The following SRSF3 variants were observed in gnomAD, a reference collection of about 807,000 sequenced individuals.
SRSF3 encodes serine/arginine-rich splicing factor 3.
For missense variants in SRSF3, 58 were observed against 217.1 expected, an observed-to-expected ratio of 0.27 and a Z score of 4.61; for synonymous variants, 87 against 73.6, an observed-to-expected ratio of 1.18 and a Z score of -0.93.
At chr6:36,597,746 AT>A (rs1413580833) in intron 2 of SRSF3, among the ~76,000 whole-genome samples, 2 of 151,868 alleles carry the variant, frequency 1.3e-5, no homozygotes, top group Non-Finnish European at 2.9e-5. Flanking sequence ...CACTCTTCAA[AT>A]ATGATAGCTT....
intron 3 of SRSF3, chr6:36,600,068 C>T: frequency 8.2e-7 from 1 of 1,217,254 alleles, no homozygotes; most frequent in Non-Finnish European, 1.1e-6. Flanking sequence ...CCTGGCCAAT[C>T]AGCTCAGCTG....
chr6:36,600,992 C>CTT (rs1169887735), intron 3 of SRSF3, 160 bp from the exon 4 acceptor site: 29 of 340,294 alleles, frequency 8.5e-5, no homozygotes, highest in South Asian at 4.8e-4. Context: ...TTTTTCTTTT[C>CTT]TTTTTTTTCT....
chr6:36,599,637 A>G, intron 3 of SRSF3: 1 of 404,938 alleles, frequency 2.5e-6, no homozygotes, highest in Non-Finnish European at 4.7e-6. Flanking sequence ...AGGTGAGTGG[A>G]GTCCTTCTAG....
In SRSF3 at chr6:36,597,854, A is replaced by G. The variant is rs568727181; in HGVS notation, c.206+886A>G. ...AGCTATAATTTCTTTTTTTAAAAAAATGTATATTTATTATTTAAAAAATAA... is the reference window on the plus strand; with the variant it reads ...AGCTATAATTTCTTTTTTTAAAAAAGTGTATATTTATTATTTAAAAAATAA... On this transcript the variant is annotated intron_variant, in intron 2 of 5. Transcript: ENST00000373715. Among the ~76,000 whole-genome samples, 178 of 150,658 alleles carry G rather than the reference A, an allele frequency of 1.2e-3. 1 individual carries two copies. The highest frequency in any genetic ancestry group is 4.2e-3 in the African/African-American group (172 of 41,036).
rs2127507133 is a variant in SRSF3, at chr6:36,603,045, A to G, written c.*1056A>G. ...GGATTAGTCTTCTGAAGTGAAGGAA[A>G]TATAGATGTCACCTAAGTGATAGTT... On this transcript the variant is annotated 3_prime_UTR_variant, in exon 6 of 6. Coordinates refer to ENST00000373715, the MANE Select transcript of SRSF3 (RefSeq NM_003017.5). The G allele has an allele frequency of 4.5e-6, 1 of 222,296 alleles. No individual in the cohort carries two copies. Among genetic ancestry groups the G allele is most frequent in the African/African-American group, 2.2e-5 (1 of 44,852 alleles). The allele number at this position is 222,296 out of a possible 1,614,324, so 13.8% of individuals were successfully genotyped here.
Position 36,603,661 on chromosome 6 carries a change from T to C in SRSF3, c.*1672T>C, listed in dbSNP as rs774610403. The C allele has an allele frequency of 4.3e-6, 1 of 230,286 alleles. No homozygotes were observed. Among genetic ancestry groups the C allele is most frequent in the Non-Finnish European group, 8.6e-6 (1 of 116,378 alleles). The allele number at this position is 230,286 out of a possible 1,614,324, so 14.3% of individuals were successfully genotyped here. On this transcript the variant is annotated 3_prime_UTR_variant, in exon 6 of 6. Coordinates refer to ENST00000373715, the MANE Select transcript of SRSF3 (RefSeq NM_003017.5). ...TTAAGCATGTTCAAGAAAGACACTT[T>C]TCAGACAGCCTGTTTATTTACTGAG...
Position 36,602,608 on chromosome 6 carries a change from G to A in SRSF3, c.*619G>A. 4.6e-6 allele frequency: 1 copy of A among 216,942 alleles called. No individual in the cohort carries two copies. Among genetic ancestry groups the A allele is most frequent in the Non-Finnish European group, 9.3e-6 (1 of 107,742 alleles). The allele number at this position is 216,942 out of a possible 1,614,324, so 13.4% of individuals were successfully genotyped here. ...GATTGCTGTATATGGATACATGGCT[G>A]TTCGTGACATTCTTTATGTGCAAAT... On this transcript the variant is annotated 3_prime_UTR_variant, in exon 6 of 6. Transcript: ENST00000373715.
At chr6:36,598,752 G>A in intron 2 of SRSF3, 97 bp from the exon 3 acceptor site, 2 of 1,372,232 alleles carry the variant, frequency 1.5e-6, no homozygotes, top group African/African-American at 2.9e-5. Context: ...ACACTTAGGT[G>A]TGTTCTTTGC....
At position 36,597,346 on chromosome 6, in the gene SRSF3, T is replaced by C. The variant is rs1466884782; in HGVS notation, c.206+378T>C. On this transcript the variant is annotated intron_variant, in intron 2 of 5. Transcript: ENST00000373715. ...GTCTCGAACTCCTGACCCCAGGTGA[T>C]CTGACCGCCTTGACCTCCCAAAGTG... Among the ~76,000 whole-genome samples the C allele has an allele frequency of 3.3e-5, 5 of 152,118 alleles. No homozygotes were observed. The East Asian group carries it at 9.6e-4, about 29-fold the overall frequency.
At chr6:36,598,822 T>C in intron 2 of SRSF3, 27 bp from the exon 3 acceptor site, 2 of 1,607,508 alleles carry the variant, frequency 1.2e-6, no homozygotes, top group East Asian at 2.2e-5. Context: ...TCAGGCTGTT[T>C]TAAGTTTAAT....
chr6:36,601,550 TC>T, intron 4 of SRSF3, 157 bp from the exon 5 acceptor site: 1 of 683,736 alleles, frequency 1.5e-6, no homozygotes, highest in South Asian at 2.0e-5. Context: ...CACTTTGTTG[TC>T]CAATCTGTTC....
chr6:36,599,298 C>A (rs772604294), intron 3 of SRSF3: 21 of 272,838 alleles, frequency 7.7e-5, no homozygotes, highest in African/African-American at 1.3e-4. Context: ...TCCATAATGA[C>A]AAACATTACA....
chr6:36,603,841 T>G lies in SRSF3; in HGVS notation c.*1852T>G, dbSNP rs950309751. On this transcript the variant is annotated 3_prime_UTR_variant, in exon 6 of 6. Transcript: ENST00000373715. Reference sequence around the variant, plus strand: ...AATGGACAACTTATGTGGGCATTTTTGGGCAGTATATGACTTCCTTGCAGG... The same window carrying G: ...AATGGACAACTTATGTGGGCATTTTGGGGCAGTATATGACTTCCTTGCAGG... 4.3e-6 allele frequency: 1 copy of G among 231,568 alleles called. No homozygotes were observed. Among genetic ancestry groups the G allele is most frequent in the African/African-American group, 2.2e-5 (1 of 45,276 alleles). The allele number at this position is 231,568 out of a possible 1,614,324, so 14.3% of individuals were successfully genotyped here. A position where few individuals can be genotyped will look rare whatever the true frequency, so the allele number is the denominator to read the frequency against.
chr6:36,601,587 TCC>T, intron 4 of SRSF3, 119 bp from the exon 5 acceptor site: 1 of 928,190 alleles, frequency 1.1e-6, no homozygotes, highest in Non-Finnish European at 1.7e-6. Flanking sequence ...CAAGTGAGCC[TCC>T]TGCCTCTGCC....
intron 2 of SRSF3, 101 bp from the exon 3 acceptor site, chr6:36,598,748 A>T: frequency 2.3e-6 from 3 of 1,322,794 alleles, no homozygotes; most frequent in Non-Finnish European, 3.1e-6. Flanking sequence ...ACAGACACTT[A>T]GGTGTGTTCT....
chr6:36,605,065 A>C lies in SRSF3; in HGVS notation c.*3076A>C, dbSNP rs1160556345. 1 of 152,222 alleles carries C rather than the reference A, an allele frequency of 6.6e-6. No homozygotes were observed. Among genetic ancestry groups the C allele is most frequent in the Admixed American group, 6.5e-5 (1 of 15,284 alleles). 9.4% of individuals were successfully genotyped at this position (152,222 alleles called of 1,614,324 possible). The stretch of plus-strand genomic sequence containing the variant: ...GGGTTGGAAGTACATTTTTCTCTAA[A>C]TAATCCAGTAGTGTTGAATTTGATT... On this transcript the variant is annotated 3_prime_UTR_variant, in exon 6 of 6. Transcript: ENST00000373715.
In SRSF3 at chr6:36,596,107, T is replaced by C. The variant is rs1004946492; in HGVS notation, c.-2-654T>C. 1.4e-4 allele frequency among the ~76,000 whole-genome samples: 21 copies of C among 152,264 alleles called. No homozygotes were observed. The East Asian group carries it at 3.7e-3, about 27-fold the overall frequency. On this transcript the variant is annotated intron_variant, in intron 1 of 5. Transcript: ENST00000373715. ...GCCCGGCTAATTTTTGTATTTTTAG[T>C]TGTGACGGGGTTTCACCATATTGGC...
chr6:36,595,484 C>T (rs562927232), intron 1 of SRSF3, among the ~76,000 whole-genome samples: 5 of 152,278 alleles, frequency 3.3e-5, no homozygotes, highest in Non-Finnish European at 2.9e-5. Context: ...ACCCATTGAG[C>T]ACTTACTCCC....
At chr6:36,601,552 CA>C in intron 4 of SRSF3, 155 bp from the exon 5 acceptor site, 1 of 689,280 alleles carries the variant, frequency 1.5e-6, no homozygotes, top group South Asian at 2.1e-5. Flanking sequence ...CTTTGTTGTC[CA>C]ATCTGTTCTC....
Sources: allele counts gnomAD v4.1 joint callset (sites outside exome capture counted in the v4.1 genomes callset), GRCh38; gene constraint gnomAD v4.1.1; transcripts MANE v1.5; gene names NCBI Gene and HGNC (gene_info 2026-07-23, HGNC 2026-07-21).